The following CTNNA2 variants were observed in gnomAD, a reference collection of about 807,000 sequenced individuals.
CTNNA2 encodes catenin alpha-2.
In CTNNA2, 42 loss-of-function variants were observed where a neutral mutation model predicts 101.0. The ratio of observed to expected loss-of-function variants is 0.42; its 90% CI spans 0.32 to 0.54. CTNNA2 has a LOEUF of 0.54. Among genes scored for constraint, CTNNA2 ranks in the 20% least tolerant of loss-of-function variants. CTNNA2 has a pLI of 0.14. For missense variants in CTNNA2, 871 were observed against 1,223.1 expected (o/e 0.71, Z 4.29); for synonymous variants, 450 against 456.4 (o/e 0.99, Z 0.18).
intron 1 of CTNNA2, among the ~76,000 whole-genome samples, chr2:79,629,839 G>T (rs62140101): frequency 0.056 from 8,486 of 152,084 alleles, 306 homozygotes; most frequent in Non-Finnish European, 0.073. Flanking sequence ...GCTGAACCTG[G>T]AGAGGCTGTC....
intron 2 of CTNNA2, among the ~76,000 whole-genome samples, chr2:79,239,126 C>G (rs1674592122): frequency 6.6e-6 from 1 of 151,958 alleles, no homozygotes; most frequent in African/African-American, 2.4e-5. Flanking sequence ...CAACCTCATC[C>G]CCCAATATGA....
At chr2:79,421,015 A>T (rs1015215723) in intron 4 of CTNNA2, among the ~76,000 whole-genome samples, 10 of 152,180 alleles carry the variant, frequency 6.6e-5, no homozygotes, top group Non-Finnish European at 1.5e-4. Flanking sequence ...ACATTAATTT[A>T]AAAAAGGAAA....
chr2:80,022,383 G>C (rs945942760), intron 7 of CTNNA2, among the ~76,000 whole-genome samples: 1 of 152,160 alleles, frequency 6.6e-6, no homozygotes, highest in Non-Finnish European at 1.5e-5. Flanking sequence ...ATTCTAGCAA[G>C]TATTGTGAAG....
At chr2:79,828,745 GCTT>G (rs1308814752) in intron 3 of CTNNA2, among the ~76,000 whole-genome samples, 4 of 152,226 alleles carry the variant, frequency 2.6e-5, no homozygotes, top group African/African-American at 9.7e-5. Context: ...TTCAATGCAT[GCTT>G]CTTCAACTAA....
chr2:79,366,867 G>T (rs1204917737), intron 3 of CTNNA2, among the ~76,000 whole-genome samples: 16 of 152,196 alleles, frequency 1.1e-4, no homozygotes, highest in Admixed American at 1.0e-3. Flanking sequence ...ATAAGAAAAA[G>T]TGTTGGGTGA....
intron 2 of CTNNA2, among the ~76,000 whole-genome samples, chr2:79,301,658 C>G (rs953753997): frequency 2.1e-4 from 32 of 152,222 alleles, no homozygotes; most frequent in African/African-American, 7.5e-4. Context: ...CTCTCATCCC[C>G]CCTATCTCCC....
At chr2:80,118,504 G>T (rs1331705976) in intron 7 of CTNNA2, among the ~76,000 whole-genome samples, 1 of 152,206 alleles carries the variant, frequency 6.6e-6, no homozygotes, top group Non-Finnish European at 1.5e-5. Flanking sequence ...GGCTTTGATT[G>T]CAGGTATCAG....
At chr2:79,629,207 T>C (rs113049663) in intron 1 of CTNNA2, among the ~76,000 whole-genome samples, 1,852 of 152,228 alleles carry the variant, frequency 0.012, 40 homozygotes, top group South Asian at 0.068. Flanking sequence ...TTGCTGGGAG[T>C]TGAATTTCTA....
At chr2:80,115,730 C>T (rs1301591465) in intron 7 of CTNNA2, among the ~76,000 whole-genome samples, 1 of 152,010 alleles carries the variant, frequency 6.6e-6, no homozygotes, top group East Asian at 1.9e-4. Flanking sequence ...ACAGTATGTG[C>T]AGAGCACAGC....
chr2:80,109,471 C>T (rs545018443), intron 7 of CTNNA2, among the ~76,000 whole-genome samples: 1 of 136,500 alleles, frequency 7.3e-6, no homozygotes, highest in Non-Finnish European at 1.5e-5. Flanking sequence ...AAGAAACAAA[C>T]AAACAAACAA....
chr2:80,470,849 A>G (rs914896386), intron 9 of CTNNA2, among the ~76,000 whole-genome samples: 1 of 152,222 alleles, frequency 6.6e-6, no homozygotes. Flanking sequence ...GTCTGGAGAC[A>G]GATAAAAAAG....
chr2:80,036,778 A>G (rs1272077289), intron 7 of CTNNA2, among the ~76,000 whole-genome samples: 1 of 151,894 alleles, frequency 6.6e-6, no homozygotes, highest in Non-Finnish European at 1.5e-5. Context: ...TGGACAAAAG[A>G]GAATACCATT....
At chr2:79,450,797 G>A (rs968135735) in intron 4 of CTNNA2, among the ~76,000 whole-genome samples, 12 of 152,156 alleles carry the variant, frequency 7.9e-5, no homozygotes, top group Admixed American at 2.0e-4. Flanking sequence ...TACATTAAAC[G>A]TTGAAATGAA....
intron 3 of CTNNA2, among the ~76,000 whole-genome samples, chr2:79,834,357 T>TACTACTG (rs1679152298): frequency 1.3e-5 from 2 of 152,256 alleles, no homozygotes; most frequent in East Asian, 3.9e-4. Flanking sequence ...AGATATTCTC[T>TACTACTG]GAAGTAGTTG....
chr2:79,557,570 A>G (rs758704958), intron 1 of CTNNA2, among the ~76,000 whole-genome samples: 1 of 151,908 alleles, frequency 6.6e-6, no homozygotes, highest in Non-Finnish European at 1.5e-5. Context: ...AATTTGAACT[A>G]CTTATTCTCT....
intron 1 of CTNNA2, among the ~76,000 whole-genome samples, chr2:79,552,513 T>TG: frequency 6.6e-6 from 1 of 152,140 alleles, no homozygotes. Flanking sequence ...GGACTCTGTG[T>TG]AGGGGCTCCA....
chr2:79,608,970 G>T (rs1457494373), intron 1 of CTNNA2, among the ~76,000 whole-genome samples: 1 of 151,872 alleles, frequency 6.6e-6, no homozygotes, highest in East Asian at 1.9e-4. Context: ...AAATGGGGTT[G>T]TCTGTGAAAA....
intron 9 of CTNNA2, among the ~76,000 whole-genome samples, chr2:80,523,968 G>A (rs946722962): frequency 6.6e-6 from 1 of 152,136 alleles, no homozygotes; most frequent in Admixed American, 6.5e-5. Context: ...GAGGTAGAAG[G>A]GTGAATCATA....
At chr2:79,411,675 C>T (rs544062407) in intron 4 of CTNNA2, among the ~76,000 whole-genome samples, 45 of 152,206 alleles carry the variant, frequency 3.0e-4, no homozygotes, top group Admixed American at 1.0e-3. Flanking sequence ...AAATAAAATA[C>T]TTTACAGACA....
Sources: gnomAD v4.1 joint callset for allele counts (sites outside exome capture counted in the v4.1 genomes callset) on GRCh38, gnomAD v4.1.1 for gene constraint, MANE v1.5 for transcripts, NCBI Gene and HGNC (gene_info 2026-07-23, HGNC 2026-07-21) for gene names.